IGSF6: variants seen among roughly 807,000 people sequenced by gnomAD.
IGSF6 encodes immunoglobulin superfamily member 6.
IGSF6 carries 23 observed loss-of-function variants against 24.7 expected under a neutral mutation model. The ratio of observed to expected loss-of-function variants is 0.93; its 90% confidence interval spans 0.67 to 1.32. The LOEUF (loss-of-function observed/expected upper bound fraction) is 1.32. IGSF6 is among the 40% of genes most tolerant of loss of function. IGSF6 has a pLI of 0.00. For missense variants in IGSF6, 295 were observed against 293.6 expected, an observed-to-expected ratio of 1.00 and a Z score of -0.04; for synonymous variants, 110 against 113.7, an observed-to-expected ratio of 0.97 and a Z score of 0.21.
rs540497585 is a variant in IGSF6 at position 21,641,430 on chromosome 16, G to A, written c.*104C>T. The A allele has an allele frequency of 5.5e-6, 3 of 550,426 alleles. No individual in the cohort carries two copies. The highest frequency in any genetic ancestry group is 9.4e-6 in the Non-Finnish European group (3 of 318,306). The allele number at this position is 550,426 out of a possible 1,614,324, so 34.1% of individuals were successfully genotyped here. Reference sequence around the variant, plus strand: ...TTCTTTGTAGCCAGTTGTCTTTTCAGTTTACCTTTATTTTTTTTTAAGACC... The same window carrying A: ...TTCTTTGTAGCCAGTTGTCTTTTCAATTTACCTTTATTTTTTTTTAAGACC... On this transcript the variant is annotated 3_prime_UTR_variant, in exon 6 of 6. Transcript: ENST00000268389.
chr16:21,641,380 A>G lies in IGSF6; in HGVS notation c.*154T>C, dbSNP rs1966262649. 1 of 468,196 alleles carries G rather than the reference A, an allele frequency of 2.1e-6. No individual in the cohort carries two copies. Among genetic ancestry groups the G allele is most frequent in the South Asian group, 4.1e-5 (1 of 24,272 alleles). The allele number at this position is 468,196 out of a possible 1,614,324, so 29.0% of individuals were successfully genotyped here. A position where few individuals can be genotyped will look rare whatever the true frequency, so the allele number is the denominator to read the frequency against. The stretch of plus-strand genomic sequence containing the variant: ...AGTATTTTGGTAATGACTATTAGTT[A>G]TAGTTTCCTTACATTCTGACATCCT... On this transcript the variant is annotated 3_prime_UTR_variant, in exon 6 of 6. Coordinates refer to ENST00000268389, the MANE Select transcript of IGSF6 (RefSeq NM_005849.4).
At chr16:21,648,651 G>T (rs1966489234) in intron 1 of IGSF6, among the ~76,000 whole-genome samples, 2 of 152,232 alleles carry the variant, frequency 1.3e-5, no homozygotes, top group African/African-American at 4.8e-5. Flanking sequence ...AGCCACTCGA[G>T]TGCACAAATG....
intron 3 of IGSF6, among the ~76,000 whole-genome samples, 191 bp from the exon 4 acceptor site, chr16:21,643,789 AG>A (rs780882507): frequency 5.9e-5 from 9 of 152,218 alleles, no homozygotes; most frequent in Non-Finnish European, 1.0e-4. Flanking sequence ...CGTTGATTGT[AG>A]GATTTATAGT....
intron 1 of IGSF6, 33 bp downstream of exon 1, chr16:21,652,499 T>G (rs1263329941): frequency 6.4e-7 from 1 of 1,550,890 alleles, no homozygotes; most frequent in Admixed American, 1.8e-5. Context: ...TTGATTTAAA[T>G]AAAATGAAGG....
chr16:21,652,501 A>G (rs1429955601), intron 1 of IGSF6, 31 bp downstream of exon 1: 1 of 1,561,886 alleles, frequency 6.4e-7, no homozygotes, highest in Non-Finnish European at 8.8e-7. Context: ...GATTTAAATA[A>G]AATGAAGGAG....
At chr16:21,641,707 A>G (rs1432207009) in intron 5 of IGSF6, 114 bp from the exon 6 acceptor site, 8 of 539,082 alleles carry the variant, frequency 1.5e-5, no homozygotes, top group Admixed American at 3.6e-5. Flanking sequence ...CTAAGTGTCC[A>G]TATGGTAATC....
chr16:21,641,891 T>C (rs1186571981), intron 5 of IGSF6, among the ~76,000 whole-genome samples: 1 of 152,168 alleles, frequency 6.6e-6, no homozygotes, highest in East Asian at 1.9e-4. Context: ...GTTGAAAACA[T>C]GTCCCAGCCT....
intron 2 of IGSF6, chr16:21,646,388 C>G (rs1850798828): frequency 6.6e-6 from 1 of 152,242 alleles, no homozygotes; most frequent in Admixed American, 6.5e-5. Flanking sequence ...TGCTTATTCT[C>G]CATGTTGCAT....
chr16:21,641,754 A>G (rs370810326), intron 5 of IGSF6, among the ~76,000 whole-genome samples, 161 bp from the exon 6 acceptor site: 1 of 152,102 alleles, frequency 6.6e-6, no homozygotes, highest in African/African-American at 2.4e-5. Context: ...ATCCGTATTT[A>G]GAGTAGGATG....
intron 1 of IGSF6, among the ~76,000 whole-genome samples, chr16:21,649,606 T>C (rs555579582): frequency 1.2e-4 from 19 of 152,344 alleles, no homozygotes; most frequent in African/African-American, 4.6e-4. Context: ...TGCCAAAACT[T>C]AGCAAAGTTA....
chr16:21,647,454 A>T lies in IGSF6; in HGVS notation c.106T>A (p.Trp36Arg). The change falls in exon 2 of 6, where the codon TGG (tryptophan) becomes AGG (arginine). Residue 36 changes from tryptophan (W) to arginine (R), a missense_variant. Transcript: ENST00000268389. ...GACTLSVTQPWYLEVDYTHEA... is the reference protein window; with the variant it reads ...GACTLSVTQPRYLEVDYTHEA... ...TGAGTGTAGTCCACTTCTAGGTACCACGGTTGTGTGACAGAGAGAGTACAG... is the reference window on the plus strand; with the variant it reads ...TGAGTGTAGTCCACTTCTAGGTACCTCGGTTGTGTGACAGAGAGAGTACAG... 6.2e-7 allele frequency: 1 copy of T among 1,614,038 alleles called. No individual in the cohort carries two copies. The highest frequency in any genetic ancestry group is 8.5e-7 in the Non-Finnish European group (1 of 1,179,970).
chr16:21,645,946 T>TA (rs1966414006), intron 2 of IGSF6, among the ~76,000 whole-genome samples: 1 of 152,208 alleles, frequency 6.6e-6, no homozygotes, highest in Non-Finnish European at 1.5e-5. Context: ...CCTCGTAGTT[T>TA]AAAAGCACAG....
intron 4 of IGSF6, among the ~76,000 whole-genome samples, 166 bp from the exon 5 acceptor site, chr16:21,643,320 A>G (rs1224474899): frequency 6.6e-6 from 1 of 152,160 alleles, no homozygotes; most frequent in Non-Finnish European, 1.5e-5. Context: ...AGAACTTTAA[A>G]TATAATTTAT....
At position 21,644,353 on chromosome 16, in the gene IGSF6, A is replaced by G. The variant is rs1438692839; in HGVS notation, c.471T>C (p.Ala157=). The G allele has an allele frequency of 1.2e-6, 2 of 1,614,040 alleles. No individual in the cohort carries two copies. The highest frequency in any genetic ancestry group is 4.5e-5 in the East Asian group (2 of 44,878). ...CATAGACAGAGAGCAGTGATACAAG[A>G]GCTGTCAGGAAGCTCCGCAGTTCCT... ...LSKELRSFLT[A]LVSLLSVYVT... is the part of the protein sequence containing the mutation. Residue 157 remains alanine (A), a synonymous_variant, in exon 3 of 6, where the codon GCT becomes GCC. Coordinates refer to ENST00000268389, the MANE Select transcript of IGSF6 (RefSeq NM_005849.4).
rs150110933 is a variant in IGSF6 at position 21,643,583 on chromosome 16, G to A, written c.550C>T (p.Leu184=). ...TCTTCTTTTATTTCTTTGTTTCTTA[G>A]AGGGTTGGATTTTGACTGCCAAGAA... is the stretch of plus-strand genomic sequence containing the variant. ...ILLSKSKSNP[L]RNKEIKEDSQ... is the part of the protein sequence containing the mutation. Residue 184 remains leucine, a synonymous_variant, in exon 4 of 6, where the codon CTA becomes TTA. Coordinates refer to ENST00000268389, the MANE Select transcript of IGSF6 (RefSeq NM_005849.4). 1 of 1,607,172 alleles carries A rather than the reference G, an allele frequency of 6.2e-7. No homozygotes were observed. Among genetic ancestry groups the A allele is most frequent in the East Asian group, 2.2e-5 (1 of 44,726 alleles).
intron 1 of IGSF6, among the ~76,000 whole-genome samples, chr16:21,647,807 T>C (rs1022140442): frequency 6.6e-6 from 1 of 152,136 alleles, no homozygotes; most frequent in African/African-American, 2.4e-5. Context: ...GGGGTCCATC[T>C]GTGACTCTTG....
chr16:21,646,947 C>G, intron 2 of IGSF6, 186 bp downstream of exon 2: 1 of 739,902 alleles, frequency 1.4e-6, no homozygotes, highest in Non-Finnish European at 2.3e-6. Context: ...AGCCACCACG[C>G]CCAGCCAGTT....
At chr16:21,648,183 G>T (rs1966479083) in intron 1 of IGSF6, among the ~76,000 whole-genome samples, 1 of 152,146 alleles carries the variant, frequency 6.6e-6, no homozygotes, top group Non-Finnish European at 1.5e-5. Context: ...GTTTCTCCCT[G>T]GCGTGTGTGC....
intron 1 of IGSF6, among the ~76,000 whole-genome samples, chr16:21,650,394 G>T (rs1966537524): frequency 6.6e-6 from 1 of 151,694 alleles, no homozygotes; most frequent in African/African-American, 2.4e-5. Context: ...TGTAATCCCA[G>T]CTACTTGGGA....
Sources: allele counts gnomAD v4.1 joint callset (sites outside exome capture counted in the v4.1 genomes callset), GRCh38; gene constraint gnomAD v4.1.1; transcripts MANE v1.5; gene names NCBI Gene and HGNC (gene_info 2026-07-23, HGNC 2026-07-21).